SLC25A33: variants seen among roughly 807,000 people sequenced by gnomAD.
SLC25A33 encodes the protein bone marrow stromal cell mitochondrial carrier protein.
In SLC25A33, 15 loss-of-function variants were observed where a neutral mutation model predicts 35.5. The observed-to-expected ratio is 0.42, with a 90% confidence interval of 0.28 to 0.65. The LOEUF (loss-of-function observed/expected upper bound fraction) is 0.65, where lower values mean the gene tolerates loss of function less well. Ranked by LOEUF, SLC25A33 falls within the 30% of genes least tolerant of loss-of-function variation. SLC25A33 has a pLI of 0.20. For missense variants in SLC25A33, 257 were observed against 398.5 expected (o/e 0.64, Z 3.02); for synonymous variants, 136 against 148.7 (o/e 0.91, Z 0.62).
chr1:9,556,171 C>G (rs1337105967), intron 2 of SLC25A33: 21 of 985,232 alleles, frequency 2.1e-5, no homozygotes, highest in Non-Finnish European at 2.5e-5. Context: ...TTTGCCTTTT[C>G]ACATGCTTAG....
At chr1:9,547,930 C>T (rs559292814) in intron 1 of SLC25A33, among the ~76,000 whole-genome samples, 1 of 151,990 alleles carries the variant, frequency 6.6e-6, no homozygotes, top group South Asian at 2.1e-4. Context: ...CTGCTCACTG[C>T]AGCCTTGACC....
At chr1:9,580,345 A>G in intron 6 of SLC25A33, 111 bp downstream of exon 6, 3 of 1,381,250 alleles carry the variant, frequency 2.2e-6, no homozygotes, top group Non-Finnish European at 3.0e-6. Flanking sequence ...CCCTGCAGGT[A>G]AGGTCAGTGA....
intron 3 of SLC25A33, 109 bp from the exon 4 acceptor site, chr1:9,570,149 T>G (rs1021499293): frequency 3.3e-6 from 3 of 909,368 alleles, no homozygotes; most frequent in Non-Finnish European, 5.1e-6. Flanking sequence ...TTTTAGTACA[T>G]GGCAGCATCT....
intron 6 of SLC25A33, among the ~76,000 whole-genome samples, chr1:9,580,791 G>C (rs1643732127): frequency 6.6e-6 from 1 of 151,300 alleles, no homozygotes; most frequent in South Asian, 2.1e-4. Flanking sequence ...GGGAGGTGGA[G>C]GTTGCAGTGA....
chr1:9,556,470 G>C (rs1313894186), intron 2 of SLC25A33, among the ~76,000 whole-genome samples: 1 of 152,142 alleles, frequency 6.6e-6, no homozygotes, highest in African/African-American at 2.4e-5. Flanking sequence ...GGGACCAGAA[G>C]CAATGCAGAT....
intron 2 of SLC25A33, among the ~76,000 whole-genome samples, chr1:9,556,979 C>G (rs1228510565): frequency 6.6e-6 from 1 of 152,170 alleles, no homozygotes; most frequent in East Asian, 1.9e-4. Context: ...ACTCTTGTTG[C>G]CCAGGCTGGA....
chr1:9,551,069 G>C (rs1305234225), intron 1 of SLC25A33, among the ~76,000 whole-genome samples: 1 of 152,026 alleles, frequency 6.6e-6, no homozygotes, highest in Non-Finnish European at 1.5e-5. Context: ...CCAGTATTAA[G>C]CTAGGCCCAC....
At chr1:9,542,368 T>C (rs765099382) in intron 1 of SLC25A33, among the ~76,000 whole-genome samples, 9 of 152,128 alleles carry the variant, frequency 5.9e-5, no homozygotes, top group Non-Finnish European at 1.3e-4. Context: ...GCCATTGTAT[T>C]TAACAAGTTT....
At chr1:9,561,403 C>A (rs984164904) in intron 2 of SLC25A33, among the ~76,000 whole-genome samples, 1 of 151,994 alleles carries the variant, frequency 6.6e-6, no homozygotes, top group African/African-American at 2.4e-5. Flanking sequence ...ATAAAATGCT[C>A]CAAACAAGAC....
At chr1:9,557,740 C>A (rs967826326) in intron 2 of SLC25A33, among the ~76,000 whole-genome samples, 1 of 152,098 alleles carries the variant, frequency 6.6e-6, no homozygotes, top group African/African-American at 2.4e-5. Flanking sequence ...TAGAAAAAGA[C>A]GTAATAAAAT....
intron 2 of SLC25A33, among the ~76,000 whole-genome samples, chr1:9,560,396 C>T (rs1643405245): frequency 6.6e-6 from 1 of 151,948 alleles, no homozygotes; most frequent in African/African-American, 2.4e-5. Context: ...AACCCTATCT[C>T]TACTAAAAAT....
intron 5 of SLC25A33, chr1:9,576,959 G>A: frequency 4.8e-6 from 6 of 1,251,234 alleles, no homozygotes; most frequent in Non-Finnish European, 6.9e-6. Context: ...CTCTGAAAAA[G>A]GAACTGTTCA....
chr1:9,580,865 A>AAAAAT (rs1557539050), intron 6 of SLC25A33, among the ~76,000 whole-genome samples: 1 of 129,422 alleles, frequency 7.7e-6, no homozygotes, highest in African/African-American at 3.1e-5. Context: ...AAAAAAAAAA[A>AAAAAT]AATAATAATA....
intron 2 of SLC25A33, 23 bp from the exon 3 acceptor site, chr1:9,567,261 G>A (rs780986133): frequency 6.2e-7 from 1 of 1,609,124 alleles, no homozygotes; most frequent in Non-Finnish European, 8.5e-7. Flanking sequence ...GGTTTTAAAG[G>A]TTTGTCTTTT....
At chr1:9,581,940 G>C (rs1038536463) in intron 6 of SLC25A33, among the ~76,000 whole-genome samples, 5 of 152,026 alleles carry the variant, frequency 3.3e-5, no homozygotes, top group African/African-American at 1.2e-4. Flanking sequence ...TATTTTTTGA[G>C]ACAGAGTCTT....
rs759669861 is a variant in SLC25A33, at chr1:9,580,864, AAAATAAT to A, written c.763+633_763+639del. On this transcript the variant is annotated intron_variant, in intron 6 of 6. Transcript: ENST00000302692. Reference sequence around the variant, plus strand: ...AGCGAGACTCTGTCTCAAAAAAAAAAAAATAATAATAATAATAATAATAATAATAATC... The same window carrying A: ...AGCGAGACTCTGTCTCAAAAAAAAAAAATAATAATAATAATAATAATAATC... Among the ~76,000 whole-genome samples the A allele has an allele frequency of 1.0e-2, 1,291 of 129,384 alleles. 27 individuals carry two copies. The highest frequency in any genetic ancestry group is 0.038 in the African/African-American group (1,232 of 32,804). 84.9% of individuals were successfully genotyped at this position (129,384 alleles called of 152,430 possible).
At chr1:9,554,997 TTCAAGAAAGACATTCA>T (rs1188189297) in intron 2 of SLC25A33, among the ~76,000 whole-genome samples, 4 of 152,168 alleles carry the variant, frequency 2.6e-5, no homozygotes, top group African/African-American at 9.7e-5. Flanking sequence ...CAAGAGTATG[TTCAAGAAAGACATTCA>T]TCAAGAAAGC....
chr1:9,544,717 C>G (rs1217836395), intron 1 of SLC25A33, among the ~76,000 whole-genome samples: 2 of 152,160 alleles, frequency 1.3e-5, no homozygotes, highest in African/African-American at 4.8e-5. Context: ...CTGGCAGTAT[C>G]ATTTGTTGGC....
chr1:9,555,309 G>A (rs566207373), intron 2 of SLC25A33, among the ~76,000 whole-genome samples: 24 of 151,606 alleles, frequency 1.6e-4, no homozygotes, highest in Admixed American at 7.9e-4. Context: ...TAGTAGAGAC[G>A]GGGTTTCACC....
Sources: gnomAD v4.1 joint callset for allele counts (sites outside exome capture counted in the v4.1 genomes callset) on GRCh38, gnomAD v4.1.1 for gene constraint, MANE v1.5 for transcripts, NCBI Gene and HGNC (gene_info 2026-07-23, HGNC 2026-07-21) for gene names.